ZNF385B: variants seen among roughly 807,000 people sequenced by gnomAD.
ZNF385B encodes the protein zinc finger protein 533.
A neutral mutation model predicts 39.2 loss-of-function variants in ZNF385B; 23 were observed. That is an observed-to-expected ratio of 0.59 (90% CI 0.42 to 0.83). The LOEUF (loss-of-function observed/expected upper bound fraction) is 0.83, where lower values mean the gene tolerates loss of function less well. Among genes scored for constraint, ZNF385B ranks in the 40% least tolerant of loss-of-function variants. ZNF385B has a pLI of 0.00. For missense variants in ZNF385B, 552 were observed against 598.9 expected (o/e 0.92, Z 0.82); for synonymous variants, 205 against 222.6 (o/e 0.92, Z 0.70).
intron 5 of ZNF385B, among the ~76,000 whole-genome samples, chr2:179,500,163 T>C (rs2056624676): frequency 6.6e-6 from 1 of 152,118 alleles, no homozygotes. Flanking sequence ...TATTCCATGT[T>C]CATGGATTGG....
chr2:179,534,968 T>C (rs2059469717), intron 4 of ZNF385B, among the ~76,000 whole-genome samples: 1 of 152,198 alleles, frequency 6.6e-6, no homozygotes, highest in Non-Finnish European at 1.5e-5. Flanking sequence ...TCATTCATAA[T>C]CATTTTAGCA....
chr2:179,612,874 G>A (rs1689408537), intron 3 of ZNF385B, among the ~76,000 whole-genome samples: 1 of 152,204 alleles, frequency 6.6e-6, no homozygotes, highest in Non-Finnish European at 1.5e-5. Context: ...CCAGGAGCCA[G>A]GATCTGAGTC....
At chr2:179,723,817 T>C (rs1189177764) in intron 3 of ZNF385B, among the ~76,000 whole-genome samples, 2 of 152,166 alleles carry the variant, frequency 1.3e-5, no homozygotes, top group Non-Finnish European at 2.9e-5. Context: ...TATATATTTT[T>C]CATTTAAAAA....
intron 3 of ZNF385B, among the ~76,000 whole-genome samples, chr2:179,625,200 T>C (rs1285811402): frequency 6.6e-6 from 1 of 152,062 alleles, no homozygotes; most frequent in Non-Finnish European, 1.5e-5. Flanking sequence ...ACAATGAAAA[T>C]CTTTGTTTTC....
At chr2:179,726,929 G>C (rs2106417667) in intron 3 of ZNF385B, among the ~76,000 whole-genome samples, 1 of 152,218 alleles carries the variant, frequency 6.6e-6, no homozygotes, top group African/African-American at 2.4e-5. Flanking sequence ...CATTGAGCTA[G>C]TTAATGAAGA....
chr2:179,500,818 G>A (rs1207615966), intron 5 of ZNF385B, among the ~76,000 whole-genome samples: 1 of 151,904 alleles, frequency 6.6e-6, no homozygotes, highest in African/African-American at 2.4e-5. Flanking sequence ...CATAGAATGG[G>A]ATAAAACATC....
intron 5 of ZNF385B, among the ~76,000 whole-genome samples, chr2:179,496,846 C>T (rs1156516018): frequency 1.3e-5 from 2 of 152,112 alleles, no homozygotes; most frequent in Non-Finnish European, 2.9e-5. Flanking sequence ...GCCAGGTGTT[C>T]GAGACCAGCC....
intron 3 of ZNF385B, among the ~76,000 whole-genome samples, chr2:179,559,902 A>G (rs1231604907): frequency 6.6e-6 from 1 of 152,180 alleles, no homozygotes; most frequent in East Asian, 1.9e-4. Flanking sequence ...CCTTTTGACA[A>G]TATTGGCCTA....
chr2:179,696,720 TA>T (rs1327448425), intron 3 of ZNF385B, among the ~76,000 whole-genome samples: 3 of 152,072 alleles, frequency 2.0e-5, no homozygotes, highest in Admixed American at 6.6e-5. Flanking sequence ...ACTTTGCATT[TA>T]AAAAAACTAT....
intron 1 of ZNF385B, among the ~76,000 whole-genome samples, chr2:179,819,567 C>T (rs1244357169): frequency 6.6e-6 from 1 of 152,172 alleles, no homozygotes; most frequent in Non-Finnish European, 1.5e-5. Flanking sequence ...TCAATGCTGT[C>T]CCAGAAGATA....
At chr2:179,638,546 T>C (rs1515278) in intron 3 of ZNF385B, among the ~76,000 whole-genome samples, 140,661 of 152,184 alleles carry the variant, frequency 0.92, 65,120 homozygotes, top group Middle Eastern at 0.96. Flanking sequence ...ATATGAAATG[T>C]AGACCCAGTA....
intron 3 of ZNF385B, chr2:179,745,729 A>G (rs1475006741): frequency 6.5e-6 from 10 of 1,543,800 alleles, no homozygotes; most frequent in Non-Finnish European, 8.7e-6. Context: ...TAGGAAGTCC[A>G]CTCCACATCC....
chr2:179,519,597 C>G (rs2058339869), intron 4 of ZNF385B, among the ~76,000 whole-genome samples: 1 of 152,206 alleles, frequency 6.6e-6, no homozygotes, highest in African/African-American at 2.4e-5. Flanking sequence ...ACACCTAGAT[C>G]TGCAGAGCCT....
At chr2:179,682,409 A>C (rs1460013829) in intron 3 of ZNF385B, among the ~76,000 whole-genome samples, 2 of 152,244 alleles carry the variant, frequency 1.3e-5, no homozygotes, top group South Asian at 2.1e-4. Context: ...TCCTTTTCTC[A>C]AATTATTTTT....
intron 1 of ZNF385B, among the ~76,000 whole-genome samples, chr2:179,859,677 C>T (rs949573698): frequency 2.6e-5 from 4 of 152,162 alleles, no homozygotes; most frequent in Non-Finnish European, 4.4e-5. Context: ...TATAAATCCA[C>T]AAATATTTAA....
At chr2:179,580,329 G>A (rs1036315402) in intron 3 of ZNF385B, among the ~76,000 whole-genome samples, 4 of 152,126 alleles carry the variant, frequency 2.6e-5, no homozygotes, top group Non-Finnish European at 5.9e-5. Flanking sequence ...AGCCACTAAC[G>A]TAATCTTCCA....
chr2:179,749,930 G>A (rs923232948), intron 3 of ZNF385B, among the ~76,000 whole-genome samples: 2 of 152,042 alleles, frequency 1.3e-5, no homozygotes, highest in Non-Finnish European at 2.9e-5. Flanking sequence ...TAAAGAAAAA[G>A]ATAATCCGTC....
At chr2:179,715,742 CATAA>C (rs1422386713) in intron 3 of ZNF385B, among the ~76,000 whole-genome samples, 19 of 151,944 alleles carry the variant, frequency 1.3e-4, no homozygotes, top group African/African-American at 3.1e-4. Flanking sequence ...AAATGCCCAT[CATAA>C]ATAAATATTA....
chr2:179,655,197 A>T (rs1377551659), intron 3 of ZNF385B, among the ~76,000 whole-genome samples: 1 of 152,116 alleles, frequency 6.6e-6, no homozygotes, highest in South Asian at 2.1e-4. Flanking sequence ...TCAAAATCCT[A>T]TATTTTCTGT....
Sources: allele counts gnomAD v4.1 joint callset (sites outside exome capture counted in the v4.1 genomes callset), GRCh38; gene constraint gnomAD v4.1.1; transcripts MANE v1.5; gene names NCBI Gene and HGNC (gene_info 2026-07-23, HGNC 2026-07-21).